Variants in HOATZ observed in about 807,000 individuals in gnomAD.
HOATZ encodes the protein HOATZ cilia and flagella associated protein.
HOATZ carries 26 observed loss-of-function variants against 24.9 expected under a neutral mutation model. The observed-to-expected ratio is 1.04, with a 90% CI of 0.76 to 1.45. The LOEUF (loss-of-function observed/expected upper bound fraction) is 1.45, where lower values mean the gene tolerates loss of function less well. Ranked by LOEUF, HOATZ falls within the 40% of genes most tolerant of loss-of-function variation. The probability of loss-of-function intolerance (pLI) is 0.00; values close to 1 mark genes in which losing one functional copy is unlikely to be tolerated. For missense variants in HOATZ, 226 were observed against 201.5 expected, an observed-to-expected ratio of 1.12 and a Z score of -0.74; for synonymous variants, 83 against 76.6, an observed-to-expected ratio of 1.08 and a Z score of -0.43.
chr11:111,536,754 A>G lies in HOATZ; in HGVS notation c.453-16A>G, dbSNP rs1867454832. 1 of 1,605,376 alleles carries G rather than the reference A, an allele frequency of 6.2e-7. No individual in the cohort carries two copies. Among genetic ancestry groups the G allele is most frequent in the Non-Finnish European group, 8.5e-7 (1 of 1,172,214 alleles). On this transcript the variant is annotated splice_polypyrimidine_tract_variant and intron_variant, in intron 5 of 5. Transcript: ENST00000375618. ...GAGTTCTGTGTATTGGAACTGACTG[A>G]TATTACTACCAACAGGAAAGTGGTA...
intron 3 of HOATZ, among the ~76,000 whole-genome samples, chr11:111,523,396 A>C (rs1867294119): frequency 6.6e-6 from 1 of 152,154 alleles, no homozygotes; most frequent in South Asian, 2.1e-4. Context: ...GTATATTTTA[A>C]GGTGTCTTTA....
intron 1 of HOATZ, 70 bp downstream of exon 1, chr11:111,515,080 C>A: frequency 9.2e-7 from 1 of 1,090,416 alleles, no homozygotes. Flanking sequence ...TACCAGAGCC[C>A]TTTCCAGGAG....
chr11:111,528,859 T>C (rs1867366765), intron 3 of HOATZ, among the ~76,000 whole-genome samples: 2 of 152,226 alleles, frequency 1.3e-5, no homozygotes, highest in African/African-American at 2.4e-5. Context: ...TTGAAGTCTG[T>C]GTGTTTGAAG....
At chr11:111,524,123 G>T (rs1353241045) in intron 3 of HOATZ, among the ~76,000 whole-genome samples, 2 of 152,194 alleles carry the variant, frequency 1.3e-5, no homozygotes, top group Non-Finnish European at 2.9e-5. Context: ...CTGCATGATA[G>T]CCCAGTTCCT....
intron 3 of HOATZ, among the ~76,000 whole-genome samples, chr11:111,526,435 A>G (rs1420566193): frequency 1.3e-5 from 2 of 152,194 alleles, no homozygotes; most frequent in Non-Finnish European, 2.9e-5. Context: ...AAGACCAGAT[A>G]GATTGAAGGG....
chr11:111,524,129 T>C lies in HOATZ; in HGVS notation c.339+8019T>C, dbSNP rs562489053. Among the ~76,000 whole-genome samples the C allele has an allele frequency of 1.8e-4, 27 of 152,334 alleles. No individual in the cohort carries two copies. In the South Asian group the frequency reaches 4.8e-3, roughly 27 times the overall value. ...GACCAAATTCTGCATGATAGCCCAGTTCCTTGAGCTAGATGTCATATAAAG... is the reference window on the plus strand; with the variant it reads ...GACCAAATTCTGCATGATAGCCCAGCTCCTTGAGCTAGATGTCATATAAAG... On this transcript the variant is annotated intron_variant, in intron 3 of 5. Coordinates refer to ENST00000375618, the MANE Select transcript of HOATZ (RefSeq NM_001100388.2).
intron 3 of HOATZ, among the ~76,000 whole-genome samples, chr11:111,532,105 C>T (rs1196322516): frequency 6.6e-6 from 1 of 152,194 alleles, no homozygotes; most frequent in Non-Finnish European, 1.5e-5. Context: ...ACTCCACACA[C>T]ACACCTTTGT....
chr11:111,531,889 C>T (rs985592229), intron 3 of HOATZ, among the ~76,000 whole-genome samples: 5 of 152,200 alleles, frequency 3.3e-5, no homozygotes, highest in African/African-American at 7.2e-5. Context: ...TTTCTAGCTT[C>T]TTTAGCAGAT....
At position 111,520,836 on chromosome 11, in the gene HOATZ, CGAGA is replaced by C. The variant is rs1350149860; in HGVS notation, c.339+4733_339+4736del. 2.6e-5 allele frequency among the ~76,000 whole-genome samples: 4 copies of C among 152,162 alleles called. No individual in the cohort carries two copies. The South Asian group carries it at 8.3e-4, about 32-fold the overall frequency. On this transcript the variant is annotated intron_variant, in intron 3 of 5. Coordinates refer to ENST00000375618, the MANE Select transcript of HOATZ (RefSeq NM_001100388.2). ...ACATGCCTGTTAGTGACTTAGTAGC[CGAGA>C]GAGAGATCGCATTCACATAACTTTT...
rs17112973 is a variant in HOATZ at position 111,528,644 on chromosome 11, G to A, written c.340-5102G>A. On this transcript the variant is annotated intron_variant, in intron 3 of 5. Coordinates refer to ENST00000375618, the MANE Select transcript of HOATZ (RefSeq NM_001100388.2). ...GTAAATTAACTATGATCAAGGCTGA[G>A]CTCAAGCTGGATTAGCTCCACCTGC... Among the ~76,000 whole-genome samples, 1,209 of 152,302 alleles carry A rather than the reference G, an allele frequency of 7.9e-3. 18 individuals carry two copies. The highest frequency in any genetic ancestry group is 0.028 in the African/African-American group (1,155 of 41,546).
chr11:111,532,370 CA>C (rs1182615416), intron 3 of HOATZ, among the ~76,000 whole-genome samples: 1 of 152,120 alleles, frequency 6.6e-6, no homozygotes. Flanking sequence ...TATTTGGAAA[CA>C]GGGTCTTTGC....
chr11:111,526,824 A>G (rs747156330), intron 3 of HOATZ: 1 of 152,202 alleles, frequency 6.6e-6, no homozygotes, highest in Non-Finnish European at 1.5e-5. Flanking sequence ...GGAAAGACAT[A>G]TCTGAAAGAT....
intron 3 of HOATZ, among the ~76,000 whole-genome samples, chr11:111,529,761 G>A (rs1867376460): frequency 6.6e-6 from 1 of 152,144 alleles, no homozygotes; most frequent in Non-Finnish European, 1.5e-5. Flanking sequence ...GAGAAGAAAG[G>A]ACCTTTCTTC....
intron 3 of HOATZ, among the ~76,000 whole-genome samples, chr11:111,516,539 A>G (rs978677665): frequency 5.3e-5 from 8 of 151,824 alleles, no homozygotes; most frequent in Admixed American, 5.2e-4. Context: ...TAAGACCTCT[A>G]ACTCTACAAA....
chr11:111,526,231 A>C (rs1053973038), intron 3 of HOATZ, among the ~76,000 whole-genome samples: 1 of 152,240 alleles, frequency 6.6e-6, no homozygotes, highest in African/African-American at 2.4e-5. Flanking sequence ...CAGTAAGAAC[A>C]GTAAGAAGCT....
intron 3 of HOATZ, among the ~76,000 whole-genome samples, chr11:111,533,475 C>T (rs1336088515): frequency 6.6e-6 from 1 of 151,780 alleles, no homozygotes; most frequent in Non-Finnish European, 1.5e-5. Context: ...GAAATAACCC[C>T]TGTATTTAGG....
At position 111,521,365 on chromosome 11, in the gene HOATZ, A is replaced by T. The variant is rs1159740156; in HGVS notation, c.339+5255A>T. Among the ~76,000 whole-genome samples, 9 of 152,218 alleles carry T rather than the reference A, an allele frequency of 5.9e-5. No homozygotes were observed. In the East Asian group the frequency reaches 1.5e-3, roughly 26 times the overall value. The stretch of plus-strand genomic sequence containing the variant: ...AGTAGTGAAAGGGATACTTTGAATC[A>T]TTATAAGTCAACTTCAGAGAACCAA... On this transcript the variant is annotated intron_variant, in intron 3 of 5. Transcript: ENST00000375618.
At chr11:111,517,472 A>C (rs1591554024) in intron 3 of HOATZ, among the ~76,000 whole-genome samples, 1 of 152,212 alleles carries the variant, frequency 6.6e-6, no homozygotes, top group African/African-American at 2.4e-5. Flanking sequence ...CTGTTAGGCT[A>C]ATAATCTTAG....
At chr11:111,531,324 A>G (rs984617840) in intron 3 of HOATZ, among the ~76,000 whole-genome samples, 1 of 151,984 alleles carries the variant, frequency 6.6e-6, no homozygotes, top group Non-Finnish European at 1.5e-5. Flanking sequence ...AATTCAACAA[A>G]AATCCATTGA....
Sources: allele counts gnomAD v4.1 joint callset (sites outside exome capture counted in the v4.1 genomes callset), GRCh38; gene constraint gnomAD v4.1.1; transcripts MANE v1.5; gene names NCBI Gene and HGNC (gene_info 2026-07-23, HGNC 2026-07-21).